The following CGGBP1 variants were observed in gnomAD, a reference collection of about 807,000 sequenced individuals.
CGGBP1 encodes the protein CGG triplet repeat-binding protein 1.
A neutral mutation model predicts 11.4 loss-of-function variants in CGGBP1; 4 were observed. The ratio of observed to expected loss-of-function variants is 0.35; its 90% CI spans 0.17 to 0.80. The LOEUF is 0.80. Ranked by LOEUF, CGGBP1 falls within the 30% of genes least tolerant of loss-of-function variation. The probability of loss-of-function intolerance (pLI) is 0.52; values close to 1 mark genes in which losing one functional copy is unlikely to be tolerated. For synonymous variants in CGGBP1, 76 were observed against 74.1 expected (o/e 1.03, Z -0.13); for missense variants, 135 against 202.1 (o/e 0.67, Z 2.01).
chr3:88,093,280 T>C (rs560440244), intron 2 of CGGBP1, among the ~76,000 whole-genome samples: 1 of 152,312 alleles, frequency 6.6e-6, no homozygotes, highest in African/African-American at 2.4e-5. Flanking sequence ...ACCCTGAAAC[T>C]AAGTGGACTT....
Position 88,077,897 on chromosome 3 carries a change from T to TAA in CGGBP1, c.-228-19675_-228-19674insTT, listed in dbSNP as rs1707898870. On this transcript the variant is annotated intron_variant, in intron 2 of 3. Coordinates refer to the CGGBP1 transcript ENST00000462901. ...TATACTCTGTGTTGTAGCTTCACTG[T>TAA]ATTTCATGAGTCACCAAAGCCCCTT... Among the ~76,000 whole-genome samples, 4 of 152,322 alleles carry TAA rather than the reference T, an allele frequency of 2.6e-5. No individual in the cohort carries two copies. The South Asian group carries it at 8.3e-4, about 32-fold the overall frequency.
At position 88,058,208 on chromosome 3, in the gene CGGBP1, G is replaced by GA. The variant is rs1305673322; in HGVS notation, c.-316_-315insT. Reference sequence around the variant, plus strand: ...GCACCCGATTTTCCCTGTGGTGCCAGGAAGTCATGCCTTTACTGTAAAACA... The same window carrying GA: ...GCACCCGATTTTCCCTGTGGTGCCAGAGAAGTCATGCCTTTACTGTAAAACA... On this transcript the variant is annotated 5_prime_UTR_variant, in exon 2 of 4. The change abolishes the stop of an existing upstream ORF in the 5' untranslated region. Coordinates refer to ENST00000482016, the MANE Select transcript of CGGBP1 (RefSeq NM_001008390.2). The GA allele has an allele frequency of 6.6e-6, 1 of 152,238 alleles. No individual in the cohort carries two copies. The highest frequency in any genetic ancestry group is 2.4e-5 in the African/African-American group (1 of 41,454). The allele number at this position is 152,238 out of a possible 1,614,324, so 9.4% of individuals were successfully genotyped here.
intron 2 of CGGBP1, among the ~76,000 whole-genome samples, chr3:88,109,806 T>TA (rs1044095294): frequency 6.6e-6 from 1 of 152,088 alleles, no homozygotes; most frequent in African/African-American, 2.4e-5. Context: ...TTAAACATGG[T>TA]AAAAAATAAT....
Position 88,140,559 on chromosome 3 carries a change from G to C in CGGBP1, c.-229+411C>G, listed in dbSNP as rs752767748. 1.6e-5 allele frequency: 26 copies of C among 1,613,730 alleles called. No homozygotes were observed. Among genetic ancestry groups the C allele is most frequent in the Middle Eastern group, 1.6e-4 (1 of 6,062 alleles). On this transcript the variant is annotated intron_variant, in intron 2 of 3. Coordinates refer to the CGGBP1 transcript ENST00000462901. ...GATAGACCAAAAGATGCCTGACATA[G>C]AGCCAAATTCTGAAAATAATTGTAG...
intron 1 of CGGBP1, among the ~76,000 whole-genome samples, chr3:88,141,381 A>G (rs1188074079): frequency 2.6e-5 from 4 of 152,116 alleles, no homozygotes; most frequent in East Asian, 3.8e-4. Flanking sequence ...CAAGTTTCAT[A>G]TAATAAAAGT....
chr3:88,126,562 T>C (rs1260198685), intron 2 of CGGBP1, among the ~76,000 whole-genome samples: 1 of 150,262 alleles, frequency 6.7e-6, no homozygotes, highest in Non-Finnish European at 1.5e-5. Flanking sequence ...TATTAAAATT[T>C]GTTTAAGTAG....
At chr3:88,137,341 AGTTG>A (rs1367872426) in intron 2 of CGGBP1, among the ~76,000 whole-genome samples, 1 of 152,150 alleles carries the variant, frequency 6.6e-6, no homozygotes, top group Non-Finnish European at 1.5e-5. Context: ...AGAAATCAGT[AGTTG>A]GAATTCAGAA....
In CGGBP1 at chr3:88,055,843, G is replaced by GA; in HGVS notation, c.133dup (p.Ser45PhefsTer15). The GA allele has an allele frequency of 6.2e-7, 1 of 1,614,186 alleles. No individual in the cohort carries two copies. The highest frequency in any genetic ancestry group is 8.5e-7 in the Non-Finnish European group (1 of 1,180,042). On this transcript the variant is annotated frameshift_variant, in exon 4 of 4. Coordinates refer to ENST00000482016, the MANE Select transcript of CGGBP1 (RefSeq NM_001008390.2). LOFTEE classifies it high-confidence loss of function. This position sits in a 1 kb window ranked among gnomAD's most constrained non-coding sequence, Gnocchi z 4.2. ...AACATGATTCAGAACCACATTGCAA[G>GA]AAGTGCAGAAGAGTTTTCCTCCATC...
At chr3:88,146,381 G>A (rs1476025504) in intron 1 of CGGBP1, among the ~76,000 whole-genome samples, 2 of 152,156 alleles carry the variant, frequency 1.3e-5, no homozygotes, top group African/African-American at 2.4e-5. Context: ...TCCTTAAATG[G>A]TTGGGTGAAT....
intron 2 of CGGBP1, among the ~76,000 whole-genome samples, chr3:88,075,220 C>A (rs1054542086): frequency 6.6e-6 from 1 of 152,224 alleles, no homozygotes; most frequent in African/African-American, 2.4e-5. Flanking sequence ...ACCACTTCTA[C>A]TAGCTGTTAT....
intron 2 of CGGBP1, among the ~76,000 whole-genome samples, chr3:88,068,965 A>G (rs1161262170): frequency 6.6e-6 from 1 of 152,208 alleles, no homozygotes; most frequent in African/African-American, 2.4e-5. Context: ...ATCTATGCAT[A>G]TATATTTGAT....
intron 2 of CGGBP1, among the ~76,000 whole-genome samples, chr3:88,078,533 T>C (rs1307195309): frequency 6.6e-6 from 1 of 152,120 alleles, no homozygotes; most frequent in Admixed American, 6.5e-5. Flanking sequence ...AAATATTCTG[T>C]TTTCCAAAAA....
chr3:88,059,292 C>T (rs1272559119), upstream of CGGBP1: 5 of 1,531,604 alleles, frequency 3.3e-6, no homozygotes, highest in Non-Finnish European at 3.5e-6. Flanking sequence ...GGCGCAGGGG[C>T]TGGTACGCGC....
chr3:88,125,991 A>C, intron 2 of CGGBP1: 1 of 809,358 alleles, frequency 1.2e-6, no homozygotes, highest in Non-Finnish European at 1.8e-6. Context: ...TCGACACCCT[A>C]CTTAGGTTAC....
At chr3:88,126,579 CTTTTTTTTTTTTTTT>C (rs144091813) in intron 2 of CGGBP1, among the ~76,000 whole-genome samples, 2 of 81,744 alleles carry the variant, frequency 2.4e-5, no homozygotes. Flanking sequence ...GTAGAAACAT[CTTTTTTTTTTTTTTT>C]TTTTTTTTTT....
chr3:88,061,472 A>G (rs929748766), upstream of CGGBP1, among the ~76,000 whole-genome samples: 2 of 152,152 alleles, frequency 1.3e-5, no homozygotes, highest in Non-Finnish European at 1.5e-5. Context: ...TCATGTTACC[A>G]ACTTTTACCT....
intron 2 of CGGBP1, among the ~76,000 whole-genome samples, chr3:88,089,905 A>G (rs1308017669): frequency 6.6e-6 from 1 of 152,190 alleles, no homozygotes; most frequent in African/African-American, 2.4e-5. Flanking sequence ...TGGTACCATG[A>G]GATTATAATG....
At chr3:88,142,736 T>A in intron 1 of CGGBP1, 1 of 152,308 alleles carries the variant, frequency 6.6e-6, no homozygotes, top group Non-Finnish European at 1.5e-5. Context: ...TTTTAATTCA[T>A]TAGTGATGAC....
intron 2 of CGGBP1, among the ~76,000 whole-genome samples, chr3:88,081,024 T>G (rs1364495345): frequency 6.6e-6 from 1 of 152,218 alleles, no homozygotes; most frequent in Non-Finnish European, 1.5e-5. Context: ...TCTTCCAGCC[T>G]GTAACAGTTC....
Sources: gnomAD v4.1 joint callset for allele counts (sites outside exome capture counted in the v4.1 genomes callset) on GRCh38, gnomAD v4.1.1 for gene constraint, Gnocchi (gnomAD v3.1) non-coding constraint, MANE v1.5 for transcripts, NCBI Gene and HGNC (gene_info 2026-07-23, HGNC 2026-07-21) for gene names.